The following HSPA4L variants were observed in gnomAD, a reference collection of about 807,000 sequenced individuals.
HSPA4L encodes heat shock protein family A (Hsp70) member 4 like, also known as heat shock 70 kDa protein 4L.
HSPA4L carries 48 observed loss-of-function variants against 100.3 expected under a neutral mutation model. That is an observed-to-expected ratio of 0.48 (90% CI 0.38 to 0.61). HSPA4L has a LOEUF of 0.61. HSPA4L is among the 20% of genes least tolerant of loss of function. HSPA4L has a pLI of 0.00. For missense variants in HSPA4L, 886 were observed against 988.6 expected (o/e 0.90, Z 1.39); for synonymous variants, 319 against 328.2 (o/e 0.97, Z 0.30).
In HSPA4L at chr4:127,818,354, G is replaced by T; in HGVS notation, c.1608G>T (p.Gly536=). ...AAATGCAGGTTGATCAAGAAGAAGG[G>T]CATCAAAAATGTCATGCTGAACACA... ...MDKMQVDQEE[G]HQKCHAEHTP... is the part of the protein sequence containing the mutation. Residue 536 remains glycine, a synonymous_variant, in exon 13 of 19, where the codon GGG becomes GGT. Transcript: ENST00000296464. 6.2e-7 allele frequency: 1 copy of T among 1,611,384 alleles called. No individual in the cohort carries two copies. Among genetic ancestry groups the T allele is most frequent in the Non-Finnish European group, 8.5e-7 (1 of 1,178,224 alleles).
In HSPA4L at chr4:127,823,522, G is replaced by A. The variant is rs774678473; in HGVS notation, c.1944G>A (p.Leu648=). ...VYEKFITPED[L]SKLSAVLEDT... ...TCTCTCAAATATATTACTAGGACTT[G>A]AGTAAACTGTCTGCAGTATTGGAAG... Residue 648 remains leucine, a synonymous_variant, in exon 16 of 19, where the codon TTG becomes TTA. Coordinates refer to ENST00000296464, the MANE Select transcript of HSPA4L (RefSeq NM_014278.4). 1 of 1,604,640 alleles carries A rather than the reference G, an allele frequency of 6.2e-7. No homozygotes were observed. Among genetic ancestry groups the A allele is most frequent in the Admixed American group, 1.7e-5 (1 of 59,810 alleles).
intron 10 of HSPA4L, 38 bp from the exon 11 acceptor site, chr4:127,807,958 C>T (rs1005433816): frequency 1.3e-6 from 2 of 1,581,128 alleles, no homozygotes; most frequent in African/African-American, 1.4e-5. Context: ...AGGCAACTTT[C>T]TATTTGTTTC....
chr4:127,785,757 T>G (rs868364278), intron 1 of HSPA4L, among the ~76,000 whole-genome samples: 9 of 152,200 alleles, frequency 5.9e-5, no homozygotes, highest in Admixed American at 6.5e-5. Context: ...AACCTTTTTC[T>G]ATGTAAAACA....
rs550354158 is a variant in HSPA4L, at chr4:127,827,235, A to C, written c.2047-70A>C. The C allele has an allele frequency of 2.2e-3, 2,743 of 1,241,450 alleles. 5 individuals are homozygous for C. Among genetic ancestry groups the C allele is most frequent in the Non-Finnish European group, 2.8e-3 (2,440 of 861,580 alleles). The allele number at this position is 1,241,450 out of a possible 1,614,324, so 76.9% of individuals were successfully genotyped here. A position where few individuals can be genotyped will look rare whatever the true frequency, so the allele number is the denominator to read the frequency against. On this transcript the variant is annotated intron_variant, in intron 16 of 18. Coordinates refer to ENST00000296464, the MANE Select transcript of HSPA4L (RefSeq NM_014278.4). ...CTTTTCTTCCTATTTATCATCCTAT[A>C]AGGGCCCTATAAAAGTTTTCTGTTA...
At chr4:127,789,710 G>A (rs1732821145) in intron 1 of HSPA4L, among the ~76,000 whole-genome samples, 1 of 151,776 alleles carries the variant, frequency 6.6e-6, no homozygotes, top group African/African-American at 2.4e-5. Context: ...AATAGTAGTT[G>A]AAATAATCAA....
intron 17 of HSPA4L, among the ~76,000 whole-genome samples, chr4:127,827,702 C>T (rs998318427): frequency 1.3e-5 from 2 of 151,066 alleles, no homozygotes; most frequent in Admixed American, 6.6e-5. Flanking sequence ...TGTTTTCTTC[C>T]TAGAGATTTC....
intron 4 of HSPA4L, 84 bp downstream of exon 4, chr4:127,798,793 C>T: frequency 7.6e-7 from 1 of 1,316,346 alleles, no homozygotes; most frequent in Non-Finnish European, 1.0e-6. Context: ...TCTTCCCTTA[C>T]ACTTTCTGCC....
rs748876391 is a variant in HSPA4L at position 127,801,926 on chromosome 4, A to G, written c.663+8A>G. The G allele has an allele frequency of 1.4e-5, 23 of 1,590,554 alleles. No individual in the cohort carries two copies. Among genetic ancestry groups the G allele is most frequent in the Non-Finnish European group, 6.8e-6 (8 of 1,168,156 alleles). ...AACAAAGGAAAACTTAAAGTAAGTA[A>G]ACACATGGTTTGTTATATTTACATA... is the stretch of plus-strand genomic sequence containing the variant. On this transcript the variant is annotated splice_region_variant and intron_variant, in intron 6 of 18. Coordinates refer to ENST00000296464, the MANE Select transcript of HSPA4L (RefSeq NM_014278.4).
intron 6 of HSPA4L, among the ~76,000 whole-genome samples, chr4:127,802,891 C>G (rs762618028): frequency 2.0e-5 from 3 of 152,088 alleles, no homozygotes; most frequent in Non-Finnish European, 4.4e-5. Context: ...ACCCCACCAC[C>G]CACCTTATAA....
chr4:127,785,409 T>C (rs1348173193), intron 1 of HSPA4L, among the ~76,000 whole-genome samples: 1 of 152,148 alleles, frequency 6.6e-6, no homozygotes, highest in African/African-American at 2.4e-5. Context: ...AGGGGAAGTA[T>C]TTACTTTATG....
intron 12 of HSPA4L, among the ~76,000 whole-genome samples, chr4:127,817,912 T>C (rs1283062237): frequency 1.3e-5 from 2 of 152,216 alleles, no homozygotes; most frequent in African/African-American, 4.8e-5. Flanking sequence ...GTTTGTTACA[T>C]AGGTATACAT....
intron 1 of HSPA4L, among the ~76,000 whole-genome samples, chr4:127,792,097 G>A (rs1025649139): frequency 3.3e-5 from 5 of 152,164 alleles, no homozygotes; most frequent in African/African-American, 7.2e-5. Context: ...GCACTGCTCT[G>A]GAATATTGCC....
At chr4:127,808,701 C>T (rs1340252325) in intron 11 of HSPA4L, among the ~76,000 whole-genome samples, 2 of 152,140 alleles carry the variant, frequency 1.3e-5, no homozygotes, top group African/African-American at 2.4e-5. Flanking sequence ...GGGACCAATA[C>T]TCAATGGATA....
At position 127,800,948 on chromosome 4, in the gene HSPA4L, A is replaced by G. The variant is rs547809646; in HGVS notation, c.430-190A>G. 6.6e-5 allele frequency among the ~76,000 whole-genome samples: 10 copies of G among 152,318 alleles called. No homozygotes were observed. In the East Asian group the frequency reaches 1.7e-3, roughly 26 times the overall value. ...ATTACCTTACTTTAAATTAGTATTC[A>G]TACTTTAGGTCAGATTTTTATGGTA... On this transcript the variant is annotated intron_variant, in intron 4 of 18. Coordinates refer to ENST00000296464, the MANE Select transcript of HSPA4L (RefSeq NM_014278.4).
chr4:127,781,987 G>A (rs1019565431), upstream of HSPA4L: 1 of 447,924 alleles, frequency 2.2e-6, no homozygotes, highest in Non-Finnish European at 4.5e-6. Context: ...AAAGCCCCGG[G>A]CCGGCCGGTC....
rs1732954733 is a variant in HSPA4L, at chr4:127,794,146, A to G, written c.165+12A>G. The G allele has an allele frequency of 6.2e-7, 1 of 1,605,680 alleles. No homozygotes were observed. Among genetic ancestry groups the G allele is most frequent in the African/African-American group, 1.3e-5 (1 of 74,756 alleles). On this transcript the variant is annotated intron_variant, in intron 2 of 18. Transcript: ENST00000296464. ...CAGCAAAGAGCCAGGTAAATTGTTA[A>G]TGTGGATGTTTTGACTTACAGGAAG... is the stretch of plus-strand genomic sequence containing the variant.
At position 127,803,758 on chromosome 4, in the gene HSPA4L, C is replaced by G. The variant is rs766430856; in HGVS notation, c.793C>G (p.Arg265Gly). The G allele has an allele frequency of 6.2e-7, 1 of 1,613,790 alleles. No homozygotes were observed. Among genetic ancestry groups the G allele is most frequent in the Non-Finnish European group, 8.5e-7 (1 of 1,179,906 alleles). Residue 265 changes from arginine (R) to glycine (G), a missense_variant, in exon 7 of 19, where the codon CGT (arginine) becomes GGT (glycine). Coordinates refer to ENST00000296464, the MANE Select transcript of HSPA4L (RefSeq NM_014278.4). ...NVKENSRALL[R>G]LYQECEKLKK... ...GAAAGAAAACTCTCGGGCCTTGTTG[C>G]GTTTATATCAGGAATGTGAAAAACT...
At position 127,835,546 on chromosome 4, in the gene HSPA4L, A is replaced by G. The variant is rs1578730316; in HGVS notation, c.*2672A>G. 6.6e-6 allele frequency: 1 copy of G among 151,988 alleles called. No homozygotes were observed. Among genetic ancestry groups the G allele is most frequent in the African/African-American group, 2.4e-5 (1 of 41,350 alleles). 9.4% of individuals were successfully genotyped at this position (151,988 alleles called of 1,614,324 possible). On this transcript the variant is annotated 3_prime_UTR_variant, in exon 19 of 19. Coordinates refer to ENST00000296464, the MANE Select transcript of HSPA4L (RefSeq NM_014278.4). ...GTGAAACCCTGTCTCTACTAAAAAT[A>G]CAAAAAAGTAGCCGGGCGTGGTGGC...
chr4:127,802,478 A>G (rs898668714), intron 6 of HSPA4L, among the ~76,000 whole-genome samples: 2 of 152,210 alleles, frequency 1.3e-5, no homozygotes, highest in Admixed American at 6.6e-5. Flanking sequence ...GTCTTAATTT[A>G]TATTACTATA....
Sources: allele counts gnomAD v4.1 joint callset (sites outside exome capture counted in the v4.1 genomes callset), GRCh38; gene constraint gnomAD v4.1.1; transcripts MANE v1.5; gene names NCBI Gene and HGNC (gene_info 2026-07-23, HGNC 2026-07-21).